IFFO2: variants seen among roughly 807,000 people sequenced by gnomAD.
IFFO2 encodes intermediate filament family orphan 2.
IFFO2 carries 19 observed loss-of-function variants against 53.5 expected under a neutral mutation model. That is an observed-to-expected ratio of 0.36 (90% CI 0.25 to 0.52). IFFO2 has a LOEUF of 0.52. Among genes scored for constraint, IFFO2 ranks in the 20% least tolerant of loss-of-function variants. The pLI is 0.94. For synonymous variants in IFFO2, 303 were observed against 313.6 expected, an observed-to-expected ratio of 0.97 and a Z score of 0.36; for missense variants, 570 against 727.4, an observed-to-expected ratio of 0.78 and a Z score of 2.49.
At chr1:18,943,704 G>T (rs905901274) in intron 1 of IFFO2, among the ~76,000 whole-genome samples, 5 of 152,116 alleles carry the variant, frequency 3.3e-5, no homozygotes, top group African/African-American at 9.7e-5. Flanking sequence ...TGGCAGATCG[G>T]GAAGGCAGAT....
chr1:18,956,050 G>T lies in IFFO2; in HGVS notation c.283C>A (p.Arg95=), dbSNP rs1338211685. 2 of 1,471,950 alleles carry T rather than the reference G, an allele frequency of 1.4e-6. No homozygotes were observed. Among genetic ancestry groups the T allele is most frequent in the East Asian group, 2.8e-5 (1 of 35,840 alleles). The allele number at this position is 1,471,950 out of a possible 1,614,324, so 91.2% of individuals were successfully genotyped here. ...CGGGAGAAGGTCTTGTAGCGCAGCC[G>T]CCGCTCGCGCTCGCTCTGCTGCTGC... ...LEQQQSERER[R]LRYKTFSREQ... Residue 95 remains arginine, a synonymous_variant, in exon 1 of 9, where the codon CGG becomes AGG. Transcript: ENST00000455833. This position sits in a 1 kb window ranked among gnomAD's most constrained non-coding sequence, Gnocchi z 6.4.
chr1:18,910,582 T>C (rs1057426073), intron 7 of IFFO2, 110 bp from the exon 8 acceptor site: 22 of 1,262,994 alleles, frequency 1.7e-5, no homozygotes, highest in South Asian at 4.1e-5. Context: ...AAGGCCACCA[T>C]TGGACACCAT....
chr1:18,926,991 G>C (rs1328830181), intron 1 of IFFO2, among the ~76,000 whole-genome samples: 1 of 152,212 alleles, frequency 6.6e-6, no homozygotes, highest in African/African-American at 2.4e-5. Flanking sequence ...GGCAGCAAGA[G>C]ACGGGTTCAA....
intron 5 of IFFO2, among the ~76,000 whole-genome samples, chr1:18,915,401 A>G (rs1227435608): frequency 6.7e-6 from 1 of 149,326 alleles, no homozygotes; most frequent in Non-Finnish European, 1.5e-5. Context: ...ATTTCCTGCA[A>G]TGGCAAATTT....
At chr1:18,910,511 C>A in intron 7 of IFFO2, 39 bp from the exon 8 acceptor site, 2 of 1,583,154 alleles carry the variant, frequency 1.3e-6, no homozygotes, top group South Asian at 1.2e-5. Context: ...GAGGGCAAGT[C>A]ATCCTCGTGA....
chr1:18,913,033 T>C (rs575750578), intron 5 of IFFO2, among the ~76,000 whole-genome samples: 52 of 152,354 alleles, frequency 3.4e-4, no homozygotes, highest in Non-Finnish European at 5.6e-4. Context: ...AGTGCATCGG[T>C]AGCACAGGAC....
intron 1 of IFFO2, among the ~76,000 whole-genome samples, chr1:18,934,022 T>G (rs1197134111): frequency 2.0e-5 from 3 of 150,766 alleles, no homozygotes; most frequent in African/African-American, 7.3e-5. Flanking sequence ...TCAGATAGTA[T>G]CTGTCCTTCT....
chr1:18,930,233 T>C (rs1197850441), intron 1 of IFFO2, among the ~76,000 whole-genome samples: 4 of 152,204 alleles, frequency 2.6e-5, no homozygotes, highest in Non-Finnish European at 5.9e-5. Context: ...GAGCATGCCA[T>C]TGGTGTCATT....
chr1:18,912,833 G>A (rs890893203), intron 5 of IFFO2, among the ~76,000 whole-genome samples: 1 of 152,200 alleles, frequency 6.6e-6, no homozygotes, highest in Non-Finnish European at 1.5e-5. Flanking sequence ...CAAAGCCTGG[G>A]AGATGTCAAG....
At position 18,947,996 on chromosome 1, in the gene IFFO2, T is replaced by G. The variant is rs1450440204; in HGVS notation, c.665+7672A>C. Among the ~76,000 whole-genome samples the G allele has an allele frequency of 6.6e-6, 1 of 152,196 alleles. No individual in the cohort carries two copies. The highest frequency in any genetic ancestry group is 1.5e-5 in the Non-Finnish European group (1 of 68,042). Reference sequence around the variant, plus strand: ...TTGGGGTCCAGAGACCCAGACGGACTCGTGGCGAGATCTGGGACAGAAGTC... The same window carrying G: ...TTGGGGTCCAGAGACCCAGACGGACGCGTGGCGAGATCTGGGACAGAAGTC... On this transcript the variant is annotated intron_variant, in intron 1 of 8. Transcript: ENST00000455833. This position sits in a 1 kb window ranked among gnomAD's most constrained non-coding sequence, Gnocchi z 5.0.
chr1:18,944,136 C>T (rs1343804914), intron 1 of IFFO2, among the ~76,000 whole-genome samples: 1 of 152,136 alleles, frequency 6.6e-6, no homozygotes, highest in Non-Finnish European at 1.5e-5. Context: ...GTTTTCTCAT[C>T]TATAAAATGG....
intron 1 of IFFO2, among the ~76,000 whole-genome samples, chr1:18,954,878 T>C (rs1936704193): frequency 6.6e-6 from 1 of 152,186 alleles, no homozygotes; most frequent in South Asian, 2.1e-4. Flanking sequence ...CATTATCTTC[T>C]CCTGGGGGCT....
In IFFO2 at chr1:18,917,014, A is replaced by G. The variant is rs1308137157; in HGVS notation, c.992T>C (p.Val331Ala). ...QVVPKKKERK[V>A]ASDDDISEQD... is the part of the protein sequence containing the mutation. ...CTCAGAGATGTCATCATCGGAAGCC[A>G]CCTTACGCTCTTTCTTTTTGGGGAC... Residue 331 changes from valine (V) to alanine (A), a missense_variant, in exon 5 of 9, where the codon GTG (valine) becomes GCG (alanine). Val to Ala is a moderately conservative substitution (Grantham distance 64, BLOSUM62 0). Transcript: ENST00000455833. This position sits in a 1 kb window ranked among gnomAD's most constrained non-coding sequence, Gnocchi z 5.9. The G allele has an allele frequency of 3.9e-6, 6 of 1,552,132 alleles. No individual in the cohort carries two copies. The highest frequency in any genetic ancestry group is 5.2e-6 in the Non-Finnish European group (6 of 1,147,126).
In IFFO2 at chr1:18,955,917, G is replaced by A; in HGVS notation, c.416C>T (p.Ala139Val). The A allele has an allele frequency of 1.5e-6, 2 of 1,321,872 alleles. No homozygotes were observed. The highest frequency in any genetic ancestry group is 9.6e-7 in the Non-Finnish European group (1 of 1,044,698). 81.9% of individuals were successfully genotyped at this position (1,321,872 alleles called of 1,614,324 possible). A position where few individuals can be genotyped will look rare whatever the true frequency, so the allele number is the denominator to read the frequency against. The change falls in exon 1 of 9, where the codon GCC (alanine) becomes GTC (valine). Residue 139 changes from alanine (A) to valine (V), a missense_variant. Coordinates refer to ENST00000455833, the MANE Select transcript of IFFO2 (RefSeq NM_001136265.2). ...AAAGANANAV[A>V]LGGLPPGGGS... ...GCCGCCGGGGGGCAGGCCGCCCAGGGCCACGGCATTGGCGTTGGCGCCGGC... is the reference window on the plus strand; with the variant it reads ...GCCGCCGGGGGGCAGGCCGCCCAGGACCACGGCATTGGCGTTGGCGCCGGC...
chr1:18,929,758 G>T (rs893687991), intron 1 of IFFO2, among the ~76,000 whole-genome samples: 1 of 152,210 alleles, frequency 6.6e-6, no homozygotes, highest in African/African-American at 2.4e-5. Flanking sequence ...GCAGCCTTGT[G>T]CTGGAAGTCC....
At chr1:18,940,025 C>T (rs1936500422) in intron 1 of IFFO2, among the ~76,000 whole-genome samples, 1 of 152,214 alleles carries the variant, frequency 6.6e-6, no homozygotes. Context: ...GCCTTGGAGT[C>T]TCTCCCCTCA....
In IFFO2 at chr1:18,918,755, C is replaced by T. The variant is rs534189345; in HGVS notation, c.823-253G>A. Among the ~76,000 whole-genome samples the T allele has an allele frequency of 1.5e-4, 23 of 152,142 alleles. No individual in the cohort carries two copies. Among genetic ancestry groups the T allele is most frequent in the African/African-American group, 4.8e-4 (20 of 41,488 alleles). On this transcript the variant is annotated intron_variant, in intron 3 of 8. Coordinates refer to ENST00000455833, the MANE Select transcript of IFFO2 (RefSeq NM_001136265.2). The surrounding 1 kb of genome is among the most constrained non-coding windows in gnomAD (Gnocchi z 5.2). ...GCTGCTCTCCCTAAGGGCTGGAAGG[C>T]ATCCTCCCAGCAGACACAGGGTCCG...
Position 18,907,167 on chromosome 1 carries a change from T to C in IFFO2, c.*1394A>G, listed in dbSNP as rs1356769519. The C allele has an allele frequency of 1.3e-5, 2 of 152,200 alleles. No individual in the cohort carries two copies. The highest frequency in any genetic ancestry group is 2.9e-5 in the Non-Finnish European group (2 of 68,036). The allele number at this position is 152,200 out of a possible 1,614,324, so 9.4% of individuals were successfully genotyped here. On this transcript the variant is annotated 3_prime_UTR_variant, in exon 9 of 9. Coordinates refer to ENST00000455833, the MANE Select transcript of IFFO2 (RefSeq NM_001136265.2). ...AAATTAAAATTGGCAACAGACCCAC[T>C]GCAGTAGGCTTAAAAAATAATAATA...
chr1:18,928,128 G>A lies in IFFO2; in HGVS notation c.666-7007C>T, dbSNP rs1188589232. 2.6e-5 allele frequency among the ~76,000 whole-genome samples: 4 copies of A among 152,162 alleles called. No homozygotes were observed. Among genetic ancestry groups the A allele is most frequent in the East Asian group, 3.9e-4 (2 of 5,154 alleles). ...ACGCTGCAAGCCCGTCTTCTCCCCC[G>A]AAAATGGACAGCCAATAAGCTCTAG... On this transcript the variant is annotated intron_variant, in intron 1 of 8. Transcript: ENST00000455833. This position sits in a 1 kb window ranked among gnomAD's most constrained non-coding sequence, Gnocchi z 4.9.
Sources: gnomAD v4.1 joint callset for allele counts (sites outside exome capture counted in the v4.1 genomes callset) on GRCh38, gnomAD v4.1.1 for gene constraint, Gnocchi (gnomAD v3.1) non-coding constraint, MANE v1.5 for transcripts, NCBI Gene and HGNC (gene_info 2026-07-23, HGNC 2026-07-21) for gene names.